Variants in TNRC6C observed in about 807,000 individuals in gnomAD.
The protein encoded by TNRC6C is trinucleotide repeat-containing gene 6C protein.
TNRC6C carries 20 observed loss-of-function variants against 153.7 expected under a neutral mutation model. The observed-to-expected ratio is 0.13, with a 90% CI of 0.09 to 0.19. The LOEUF (loss-of-function observed/expected upper bound fraction) is 0.19. TNRC6C is among the 10% of genes least tolerant of loss of function. TNRC6C has a pLI of 1.00. For synonymous variants in TNRC6C, 811 were observed against 841.4 expected, an observed-to-expected ratio of 0.96 and a Z score of 0.63; for missense variants, 1,987 against 2,172.0, an observed-to-expected ratio of 0.91 and a Z score of 1.69.
exon 20 of TNRC6C, chr17:78,106,729 T>G (rs1186413740): frequency 1.3e-5 from 2 of 152,024 alleles, no homozygotes; most frequent in Non-Finnish European, 2.9e-5. Flanking sequence ...TTTGATTGTT[T>G]TGCAAGGAAG....
intron 1 of TNRC6C, among the ~76,000 whole-genome samples, chr17:77,962,166 A>G (rs1171049905): frequency 6.6e-6 from 1 of 152,316 alleles, no homozygotes; most frequent in African/African-American, 2.4e-5. Flanking sequence ...AAAAAAGACT[A>G]CTGATGAAAG....
intron 1 of TNRC6C, among the ~76,000 whole-genome samples, chr17:78,012,806 C>T (rs1166976884): frequency 6.6e-6 from 1 of 152,160 alleles, no homozygotes; most frequent in Non-Finnish European, 1.5e-5. Context: ...AGCAGATGGT[C>T]AGTGAAGTTG....
intron 1 of TNRC6C, among the ~76,000 whole-genome samples, chr17:78,006,752 TC>T (rs2071523012): frequency 6.6e-6 from 1 of 151,830 alleles, no homozygotes; most frequent in African/African-American, 2.4e-5. Context: ...AATTACATTG[TC>T]CCACCACTTT....
At chr17:77,974,047 G>A (rs921673883) in intron 1 of TNRC6C, among the ~76,000 whole-genome samples, 3 of 142,380 alleles carry the variant, frequency 2.1e-5, no homozygotes, top group African/African-American at 7.9e-5. Flanking sequence ...GAGAGGGAGG[G>A]AGGGAGGGGG....
chr17:78,029,914 A>G (rs1327790335), intron 1 of TNRC6C, among the ~76,000 whole-genome samples: 4 of 152,102 alleles, frequency 2.6e-5, no homozygotes, highest in Admixed American at 6.5e-5. Flanking sequence ...ACTGGAAGAT[A>G]ACATGCATGG....
intron 8 of TNRC6C, among the ~76,000 whole-genome samples, chr17:78,076,554 G>A (rs1271772786): frequency 6.6e-6 from 1 of 152,178 alleles, no homozygotes; most frequent in East Asian, 1.9e-4. Flanking sequence ...ATGTAACTCA[G>A]CATCGCATAT....
intron 1 of TNRC6C, among the ~76,000 whole-genome samples, chr17:77,972,727 C>G (rs1044639073): frequency 1.1e-4 from 16 of 152,102 alleles, no homozygotes; most frequent in African/African-American, 3.6e-4. Flanking sequence ...AATCTTCTCA[C>G]AAAGAAAATC....
intron 1 of TNRC6C, among the ~76,000 whole-genome samples, chr17:77,998,501 C>T (rs966019704): frequency 2.0e-5 from 3 of 152,132 alleles, no homozygotes; most frequent in South Asian, 2.1e-4. Context: ...TTCAGGTCCC[C>T]GAGGTACTGT....
chr17:77,982,983 C>A (rs181460117), intron 1 of TNRC6C, among the ~76,000 whole-genome samples: 1 of 151,888 alleles, frequency 6.6e-6, no homozygotes, highest in Non-Finnish European at 1.5e-5. Flanking sequence ...CACCTAATAA[C>A]AGAGCTTTAA....
In TNRC6C at chr17:78,104,623, C is replaced by T. The variant is rs546622644; in HGVS notation, c.4851C>T (p.Ser1617=). 2.1e-5 allele frequency: 33 copies of T among 1,548,756 alleles called. No individual in the cohort carries two copies. The East Asian group carries it at 2.7e-4, about 13-fold the overall frequency. Residue 1617 remains serine, a synonymous_variant, in exon 20 of 20, where the codon AGC becomes AGT. Coordinates refer to ENST00000301624, the Ensembl canonical transcript of TNRC6C. This position sits in a 1 kb window ranked among gnomAD's most constrained non-coding sequence, Gnocchi z 6.2. ...GCGCGTCCAGCCAGCCGCGGCTCAGCGCAGCGGGCAGCTCCCATGGCCTGG... is the reference window on the plus strand; with the variant it reads ...GCGCGTCCAGCCAGCCGCGGCTCAGTGCAGCGGGCAGCTCCCATGGCCTGG...
intron 1 of TNRC6C, among the ~76,000 whole-genome samples, chr17:77,973,652 A>T (rs1187140607): frequency 2.0e-5 from 3 of 152,254 alleles, no homozygotes; most frequent in Non-Finnish European, 2.9e-5. Flanking sequence ...GTCACAGCTT[A>T]CAAGACCAGT....
Position 78,079,474 on chromosome 17 carries a change from C to G in TNRC6C, c.3290C>G (p.Pro1097Arg). Residue 1097 changes from proline to arginine, a missense_variant, in exon 10 of 20, where the codon CCA (proline) becomes CGA (arginine). Coordinates refer to ENST00000301624, the Ensembl canonical transcript of TNRC6C. The surrounding 1 kb of genome is among the most constrained non-coding windows in gnomAD (Gnocchi z 4.3). The stretch of plus-strand genomic sequence containing the variant: ...ACCATGCAGCAGCCGCCACAGCCAC[C>G]AGTGCAGCCTCTTAACTCTTCCCAG... 6.2e-7 allele frequency: 1 copy of G among 1,613,918 alleles called. No individual in the cohort carries two copies. Among genetic ancestry groups the G allele is most frequent in the South Asian group, 1.1e-5 (1 of 91,080 alleles).
chr17:78,108,566 G>C (rs1225745727), exon 20 of TNRC6C: 1 of 155,106 alleles, frequency 6.4e-6, no homozygotes. Context: ...AGGCTTCATG[G>C]AGGAGGTGGC....
At chr17:77,965,411 C>G (rs1385355224) in intron 1 of TNRC6C, among the ~76,000 whole-genome samples, 3 of 152,196 alleles carry the variant, frequency 2.0e-5, no homozygotes, top group Admixed American at 2.0e-4. Flanking sequence ...ATTATATTCA[C>G]TTTATACATG....
intron 16 of TNRC6C, among the ~76,000 whole-genome samples, chr17:78,095,605 T>G (rs2073471579): frequency 6.6e-6 from 1 of 152,200 alleles, no homozygotes; most frequent in South Asian, 2.1e-4. Context: ...ATGCCAGGCC[T>G]CCCCTTCAGC....
At chr17:78,035,851 T>C (rs1030453847) in intron 2 of TNRC6C, among the ~76,000 whole-genome samples, 1 of 152,214 alleles carries the variant, frequency 6.6e-6, no homozygotes, top group Non-Finnish European at 1.5e-5. Flanking sequence ...AGTGAAAGTA[T>C]TTTTAGATAC....
chr17:77,966,057 C>T (rs2070894312), intron 1 of TNRC6C, among the ~76,000 whole-genome samples: 1 of 152,158 alleles, frequency 6.6e-6, no homozygotes, highest in African/African-American at 2.4e-5. Flanking sequence ...GCTGGCAAAG[C>T]TTGGTTGGAT....
intron 3 of TNRC6C, among the ~76,000 whole-genome samples, chr17:78,052,551 A>G (rs748226532): frequency 2.6e-5 from 4 of 152,200 alleles, no homozygotes; most frequent in Non-Finnish European, 4.4e-5. Flanking sequence ...GTAAGCCCAG[A>G]AGGTCTGCAT....
At chr17:78,103,678 C>T (rs2073637355) in intron 19 of TNRC6C, 125 bp downstream of exon 22, 3 of 1,356,926 alleles carry the variant, frequency 2.2e-6, no homozygotes, top group Admixed American at 2.4e-5. Context: ...GCCACCCTCC[C>T]ACTTCTGGAG....
Sources: gnomAD v4.1 joint callset for allele counts (sites outside exome capture counted in the v4.1 genomes callset) on GRCh38, gnomAD v4.1.1 for gene constraint, Gnocchi (gnomAD v3.1) non-coding constraint, MANE v1.5 for transcripts, NCBI Gene and HGNC (gene_info 2026-07-23, HGNC 2026-07-21) for gene names.